The following CPQ variants were observed in gnomAD, a reference collection of about 807,000 sequenced individuals.
CPQ encodes Ser-Met dipeptidase.
A neutral mutation model predicts 45.7 loss-of-function variants in CPQ; 37 were observed. That is an observed-to-expected ratio of 0.81 (90% confidence interval 0.62 to 1.07). CPQ has a LOEUF of 1.07. Among genes scored for constraint, CPQ ranks in the 50% least tolerant of loss-of-function variants. CPQ has a pLI of 0.00. For synonymous variants in CPQ, 186 were observed against 205.8 expected (o/e 0.90, Z 0.82); for missense variants, 537 against 572.9 (o/e 0.94, Z 0.64).
chr8:96,660,747 G>C (rs527676588), intron 1 of CPQ, among the ~76,000 whole-genome samples: 1 of 151,858 alleles, frequency 6.6e-6, no homozygotes, highest in South Asian at 2.1e-4. Flanking sequence ...TCATACCTTT[G>C]CTCATATTTG....
chr8:96,906,999 TAG>T (rs1189670919), intron 4 of CPQ, among the ~76,000 whole-genome samples: 2 of 152,216 alleles, frequency 1.3e-5, no homozygotes, highest in African/African-American at 4.8e-5. Context: ...GGCAGATTGA[TAG>T]AGACAGCTCA....
chr8:96,769,877 T>C (rs897541162), intron 1 of CPQ, among the ~76,000 whole-genome samples: 1 of 152,030 alleles, frequency 6.6e-6, no homozygotes, highest in African/African-American at 2.4e-5. Context: ...GAGCTTCATA[T>C]TTGTTTGTCT....
At chr8:96,810,030 G>A (rs1586409582) in intron 2 of CPQ, among the ~76,000 whole-genome samples, 1 of 152,020 alleles carries the variant, frequency 6.6e-6, no homozygotes, top group Non-Finnish European at 1.5e-5. Context: ...GCCTGGAGTA[G>A]CTCCCTCCCC....
chr8:96,828,954 G>A (rs1275878282), intron 2 of CPQ, among the ~76,000 whole-genome samples: 1 of 152,108 alleles, frequency 6.6e-6, no homozygotes, highest in Non-Finnish European at 1.5e-5. Flanking sequence ...AGGACCAGAA[G>A]CAGTCTATGC....
At chr8:96,719,854 G>A (rs1440553723) in intron 1 of CPQ, among the ~76,000 whole-genome samples, 1 of 152,182 alleles carries the variant, frequency 6.6e-6, no homozygotes, top group African/African-American at 2.4e-5. Context: ...CCCTGTGCTT[G>A]GGTTGCCAGG....
intron 1 of CPQ, among the ~76,000 whole-genome samples, chr8:96,764,907 C>T (rs1018698291): frequency 6.6e-6 from 1 of 152,186 alleles, no homozygotes; most frequent in African/African-American, 2.4e-5. Context: ...GCATGTTCAG[C>T]TTTGGTTCTA....
At chr8:96,946,455 A>AT (rs145961253) in intron 4 of CPQ, among the ~76,000 whole-genome samples, 75,283 of 151,606 alleles carry the variant, frequency 0.5, 20,695 homozygotes, top group African/African-American at 0.75. Context: ...TTAATTTTCT[A>AT]TTTTTTTATT....
At chr8:96,911,123 G>C (rs774874816) in intron 4 of CPQ, among the ~76,000 whole-genome samples, 1 of 152,092 alleles carries the variant, frequency 6.6e-6, no homozygotes, top group African/African-American at 2.4e-5. Flanking sequence ...AGCGATCCAC[G>C]TGCTTTTTAC....
chr8:96,685,453 AG>A (rs879298413), intron 1 of CPQ, among the ~76,000 whole-genome samples: 3 of 151,906 alleles, frequency 2.0e-5, no homozygotes, highest in Non-Finnish European at 4.4e-5. Flanking sequence ...TTAGTTATCA[AG>A]GTTTTTTTGT....
At chr8:96,688,758 G>C (rs1422303968) in intron 1 of CPQ, among the ~76,000 whole-genome samples, 2 of 151,936 alleles carry the variant, frequency 1.3e-5, no homozygotes, top group Non-Finnish European at 2.9e-5. Context: ...GATCTCTTTT[G>C]ATTGCTAGTA....
At chr8:97,110,608 G>A (rs953393756) in intron 7 of CPQ, among the ~76,000 whole-genome samples, 3 of 152,072 alleles carry the variant, frequency 2.0e-5, no homozygotes, top group African/African-American at 7.2e-5. Context: ...ATGGAGTCTG[G>A]TTGCTCCACA....
intron 1 of CPQ, among the ~76,000 whole-genome samples, chr8:96,662,227 G>A (rs927638076): frequency 6.6e-6 from 1 of 151,880 alleles, no homozygotes; most frequent in Admixed American, 6.5e-5. Flanking sequence ...CAGAATTTTT[G>A]TTCATTATTT....
intron 4 of CPQ, among the ~76,000 whole-genome samples, chr8:96,937,480 T>A (rs1813067346): frequency 6.6e-6 from 1 of 152,046 alleles, no homozygotes; most frequent in Non-Finnish European, 1.5e-5. Flanking sequence ...GAGTTCATAA[T>A]CAAGAAACGC....
chr8:96,748,742 C>A (rs1050083495), intron 1 of CPQ, among the ~76,000 whole-genome samples: 3 of 152,020 alleles, frequency 2.0e-5, no homozygotes, highest in African/African-American at 7.2e-5. Context: ...AATTTAAAAA[C>A]AAAATTTCAA....
intron 1 of CPQ, among the ~76,000 whole-genome samples, chr8:96,752,890 C>A (rs916154280): frequency 2.0e-5 from 3 of 151,950 alleles, no homozygotes; most frequent in African/African-American, 7.2e-5. Flanking sequence ...TGTTTTTGTT[C>A]ATTTCATTAA....
chr8:97,004,743 G>T (rs527751813), intron 5 of CPQ, among the ~76,000 whole-genome samples: 1 of 152,074 alleles, frequency 6.6e-6, no homozygotes, highest in Admixed American at 6.5e-5. Context: ...CTGTGAAATA[G>T]CACAGATAAA....
intron 1 of CPQ, among the ~76,000 whole-genome samples, chr8:96,672,846 T>G (rs761659291): frequency 6.6e-6 from 1 of 152,154 alleles, no homozygotes; most frequent in Non-Finnish European, 1.5e-5. Context: ...TTAAAATTTT[T>G]TTTTAAAATG....
chr8:97,026,468 C>G (rs1315762219), intron 5 of CPQ, among the ~76,000 whole-genome samples: 3 of 152,176 alleles, frequency 2.0e-5, no homozygotes, highest in Non-Finnish European at 4.4e-5. Flanking sequence ...TTTAGGTAGC[C>G]TGGGGACCTG....
In CPQ at chr8:97,018,247, C is replaced by A. The variant is rs927314595; in HGVS notation, c.962-11156C>A. On this transcript the variant is annotated intron_variant, in intron 5 of 7. Transcript: ENST00000220763. The stretch of plus-strand genomic sequence containing the variant: ...AAGGAACTGAACACCAGCGTTGAGC[C>A]TTAGACCTTCCCTCTGACAGAGCTG... 6.6e-5 allele frequency among the ~76,000 whole-genome samples: 10 copies of A among 152,312 alleles called. No individual in the cohort carries two copies. In the South Asian group the frequency reaches 8.3e-4, roughly 13 times the overall value.
Sources: allele counts gnomAD v4.1 joint callset (sites outside exome capture counted in the v4.1 genomes callset), GRCh38; gene constraint gnomAD v4.1.1; transcripts MANE v1.5; gene names NCBI Gene and HGNC (gene_info 2026-07-23, HGNC 2026-07-21).